IGSF11: variants seen among roughly 807,000 people sequenced by gnomAD.
The protein encoded by IGSF11 is CXADR like 1.
IGSF11 carries 22 observed loss-of-function variants against 41.0 expected under a neutral mutation model. The ratio of observed to expected loss-of-function variants is 0.54; its 90% confidence interval spans 0.38 to 0.77. The LOEUF is 0.77. Ranked by LOEUF, IGSF11 falls within the 30% of genes least tolerant of loss-of-function variation. The pLI is 0.00. For missense variants in IGSF11, 444 were observed against 530.8 expected, an observed-to-expected ratio of 0.84 and a Z score of 1.61; for synonymous variants, 219 against 201.3, an observed-to-expected ratio of 1.09 and a Z score of -0.74.
chr3:118,993,666 T>C (rs1457124949), intron 1 of IGSF11, among the ~76,000 whole-genome samples: 2 of 152,222 alleles, frequency 1.3e-5, no homozygotes, highest in Non-Finnish European at 2.9e-5. Flanking sequence ...TGTAATATTA[T>C]TCAGCAATAA....
intron 1 of IGSF11, among the ~76,000 whole-genome samples, chr3:119,095,565 T>C (rs545170781): frequency 6.6e-6 from 1 of 152,322 alleles, no homozygotes; most frequent in East Asian, 1.9e-4. Context: ...TCATGGATCC[T>C]GGCAGAAGAC....
intron 1 of IGSF11, among the ~76,000 whole-genome samples, chr3:118,948,818 A>G (rs954602540): frequency 1.3e-5 from 2 of 151,874 alleles, no homozygotes; most frequent in Admixed American, 1.3e-4. Context: ...AAAAAATAAA[A>G]AAAAATAGCC....
At position 119,014,629 on chromosome 3, in the gene IGSF11, A is replaced by C. The variant is rs187254520; in HGVS notation, c.52+19902T>G. Among the ~76,000 whole-genome samples the C allele has an allele frequency of 2.6e-5, 4 of 152,378 alleles. No homozygotes were observed. The East Asian group carries it at 7.7e-4, about 29-fold the overall frequency. On this transcript the variant is annotated intron_variant, in intron 1 of 6. Coordinates refer to ENST00000393775, the MANE Select transcript of IGSF11 (RefSeq NM_001015887.3). ...CACTCATGTTATTGGAAGGAGCATC[A>C]ACATGGATTCTGGCCTAAACTTTGC...
chr3:119,072,379 T>C (rs2076413908), intron 1 of IGSF11, among the ~76,000 whole-genome samples: 1 of 152,222 alleles, frequency 6.6e-6, no homozygotes. Context: ...TATGACTCCT[T>C]TAATTGCTTG....
chr3:119,124,800 A>C (rs1369789510), intron 1 of IGSF11, among the ~76,000 whole-genome samples: 2 of 152,148 alleles, frequency 1.3e-5, no homozygotes, highest in Non-Finnish European at 2.9e-5. Context: ...GAAAGATATC[A>C]ATATCAGAGT....
In IGSF11 at chr3:119,125,843, A is replaced by G. The variant is rs543809657; in HGVS notation, c.-14+19970T>C. 2.0e-4 allele frequency among the ~76,000 whole-genome samples: 30 copies of G among 152,290 alleles called. No individual in the cohort carries two copies. In the South Asian group the frequency reaches 6.0e-3, roughly 31 times the overall value. On this transcript the variant is annotated intron_variant, in intron 1 of 7. Transcript: ENST00000425327. ...TGGGGAAGGGGAACCACCTCTCCCC[A>G]GCCAAGGGAGGCGGTGAGTGAGCAT...
intron 1 of IGSF11, among the ~76,000 whole-genome samples, chr3:118,980,293 A>G (rs1934578674): frequency 6.6e-6 from 1 of 152,210 alleles, no homozygotes; most frequent in Non-Finnish European, 1.5e-5. Flanking sequence ...TCAACAGATG[A>G]TGAATAAAGG....
intron 1 of IGSF11, among the ~76,000 whole-genome samples, chr3:119,094,251 A>AAAAAG (rs2076812553): frequency 2.4e-5 from 3 of 126,076 alleles, no homozygotes; most frequent in East Asian, 2.5e-4. Context: ...AAAAAAAAAA[A>AAAAAG]GTTGTTGTTC....
At chr3:118,972,911 T>G (rs1933608565) in intron 1 of IGSF11, among the ~76,000 whole-genome samples, 1 of 152,188 alleles carries the variant, frequency 6.6e-6, no homozygotes, top group African/African-American at 2.4e-5. Flanking sequence ...TCAGTGACCT[T>G]CAGGTAATGC....
At chr3:118,990,440 A>G (rs1421311597) in intron 1 of IGSF11, among the ~76,000 whole-genome samples, 2 of 152,228 alleles carry the variant, frequency 1.3e-5, no homozygotes, top group Admixed American at 6.5e-5. Flanking sequence ...ACTCAATTCA[A>G]TTAAGTGTCC....
intron 1 of IGSF11, chr3:118,948,321 G>T (rs1243266347): frequency 6.6e-6 from 1 of 152,168 alleles, no homozygotes; most frequent in Admixed American, 6.5e-5. Context: ...GTACTTATCT[G>T]CAGGAAATCT....
upstream of IGSF11, among the ~76,000 whole-genome samples, chr3:119,110,119 A>T (rs573010447): frequency 4.6e-5 from 7 of 152,148 alleles, no homozygotes; most frequent in South Asian, 1.5e-3. Flanking sequence ...CTTGGTGCAG[A>T]GCTGAGTTCA....
Position 118,926,146 on chromosome 3 carries a change from C to G in IGSF11, c.535G>C (p.Glu179Gln). The G allele has an allele frequency of 1.9e-6, 3 of 1,611,910 alleles. No homozygotes were observed. The highest frequency in any genetic ancestry group is 2.5e-6 in the Non-Finnish European group (3 of 1,178,648). The stretch of plus-strand genomic sequence containing the variant: ...AGTTTGAGGGTATTGTCTAACTTCT[C>G]CCAAAGGTAAGTTGGTCGAGGAATG... ...EGIPRPTYLW[E>Q]KLDNTLKLPP... Residue 179 changes from glutamate to glutamine, a missense_variant, in exon 4 of 7, where the codon GAG becomes CAG. Glu to Gln is a conservative substitution (Grantham distance 29). Transcript: ENST00000393775.
intron 1 of IGSF11, among the ~76,000 whole-genome samples, chr3:119,005,001 C>T (rs1243484853): frequency 2.0e-5 from 3 of 150,266 alleles, no homozygotes; most frequent in Non-Finnish European, 4.4e-5. Flanking sequence ...GAGCTGAGTT[C>T]AATTCCTGGG....
chr3:119,082,286 C>T (rs1309378370), intron 1 of IGSF11, among the ~76,000 whole-genome samples: 1 of 152,156 alleles, frequency 6.6e-6, no homozygotes, highest in Admixed American at 6.5e-5. Context: ...AGGACATATA[C>T]TTCATGCCAT....
chr3:119,084,273 C>G (rs1269488392), intron 1 of IGSF11, among the ~76,000 whole-genome samples: 1 of 152,008 alleles, frequency 6.6e-6, no homozygotes, highest in African/African-American at 2.4e-5. Context: ...GGCAAGGAAG[C>G]TGGGAAGCTG....
chr3:119,012,124 A>G (rs1938202095), intron 1 of IGSF11, among the ~76,000 whole-genome samples: 1 of 152,194 alleles, frequency 6.6e-6, no homozygotes, highest in Non-Finnish European at 1.5e-5. Context: ...CCCAGGAAGC[A>G]TAAGATAGAA....
chr3:119,083,504 TCACACACACACACA>T (rs58353612), intron 1 of IGSF11, among the ~76,000 whole-genome samples: 41 of 148,704 alleles, frequency 2.8e-4, no homozygotes, highest in African/African-American at 9.7e-4. Flanking sequence ...ACCACAAAGA[TCACACACACACACA>T]CACACACACA....
intron 1 of IGSF11, among the ~76,000 whole-genome samples, chr3:119,004,859 T>G (rs1937320818): frequency 6.6e-6 from 1 of 152,212 alleles, no homozygotes; most frequent in African/African-American, 2.4e-5. Flanking sequence ...CTGTCACATT[T>G]GCTGAGGAGA....
Sources: gnomAD v4.1 joint callset for allele counts (sites outside exome capture counted in the v4.1 genomes callset) on GRCh38, gnomAD v4.1.1 for gene constraint, MANE v1.5 for transcripts, NCBI Gene and HGNC (gene_info 2026-07-23, HGNC 2026-07-21) for gene names.